The following ZEB2 variants were observed in gnomAD, a reference collection of about 807,000 sequenced individuals.
ZEB2 encodes zinc finger E-box-binding homeobox 2.
In ZEB2, 6 loss-of-function variants were observed where a neutral mutation model predicts 99.9. The observed-to-expected ratio is 0.06, with a 90% confidence interval of 0.03 to 0.12. The LOEUF (loss-of-function observed/expected upper bound fraction) is 0.12, where lower values mean the gene tolerates loss of function less well. ZEB2 is among the 10% of genes least tolerant of loss of function. The probability of loss-of-function intolerance (pLI) is 1.00; values close to 1 mark genes in which losing one functional copy is unlikely to be tolerated. For missense variants in ZEB2, 969 were observed against 1,502.8 expected, an observed-to-expected ratio of 0.64 and a Z score of 5.87; for synonymous variants, 517 against 542.5, an observed-to-expected ratio of 0.95 and a Z score of 0.65.
chr2:144,451,492 T>C (rs1704054197), intron 2 of ZEB2, among the ~76,000 whole-genome samples: 1 of 152,234 alleles, frequency 6.6e-6, no homozygotes, highest in Non-Finnish European at 1.5e-5. Flanking sequence ...AGTATTTATT[T>C]TTCTTAGGTG....
intron 4 of ZEB2, among the ~76,000 whole-genome samples, chr2:144,411,925 T>G (rs1703469632): frequency 6.6e-6 from 1 of 152,230 alleles, no homozygotes; most frequent in Admixed American, 6.5e-5. Context: ...CTCAACGATT[T>G]TGATTGCTGT....
intron 2 of ZEB2, among the ~76,000 whole-genome samples, chr2:144,497,991 TATTATATATTATATAATATATTAA>T (rs1704800754): frequency 4.8e-4 from 1 of 2,070 alleles, no homozygotes; most frequent in Non-Finnish European, 9.6e-4. Context: ...AATATATTAA[TATTATATATTATATAATATATTAA>T]TATTATATAT....
At chr2:144,504,092 A>C (rs1390979867) in intron 2 of ZEB2, 3 of 21,742 alleles carry the variant, frequency 1.4e-4, no homozygotes, top group East Asian at 9.7e-4. Flanking sequence ...AAAAAAAAAA[A>C]AACAACAAAA....
At chr2:144,512,919 T>C (rs1196730575) in intron 2 of ZEB2, 1 of 1,287,158 alleles carries the variant, frequency 7.8e-7, no homozygotes. Context: ...GCTTTGAAAG[T>C]CAGCAAAACA....
chr2:144,385,718 A>G lies in ZEB2; in HGVS notation c.*3733T>C, dbSNP rs1703072425. On this transcript the variant is annotated 3_prime_UTR_variant, in exon 10 of 10. Transcript: ENST00000627532. ...TCTTGGAGCAAAAGCATGGTTAACA[A>G]TTTTTCAGTTCAAATACATGTAAAC... 1 of 152,120 alleles carries G rather than the reference A, an allele frequency of 6.6e-6. No homozygotes were observed. The highest frequency in any genetic ancestry group is 1.5e-5 in the Non-Finnish European group (1 of 68,028). 9.4% of individuals were successfully genotyped at this position (152,120 alleles called of 1,614,324 possible).
chr2:144,497,910 T>TATTA lies in ZEB2; in HGVS notation c.73+19367_73+19368insTAAT, dbSNP rs1704794421. ...ATATATATATGTCATTCTCAACATATATATTATATATTATATAATATATAT... is the reference window on the plus strand; with the variant it reads ...ATATATATATGTCATTCTCAACATATATTAATATTATATATTATATAATATATAT... On this transcript the variant is annotated intron_variant, in intron 2 of 9. Coordinates refer to ENST00000627532, the MANE Select transcript of ZEB2 (RefSeq NM_014795.4). The TATTA allele has an allele frequency of 3.7e-4, 6 of 16,300 alleles. 1 individual carries two copies. The highest frequency in any genetic ancestry group is 1.6e-3 in the African/African-American group (6 of 3,806). The allele number at this position is 16,300 out of a possible 1,614,324, so 1.0% of individuals were successfully genotyped here.
At chr2:144,463,629 G>C (rs1273320912) in intron 2 of ZEB2, 1 of 152,060 alleles carries the variant, frequency 6.6e-6, no homozygotes, top group African/African-American at 2.4e-5. Flanking sequence ...AGGAATTCAA[G>C]ACCAGTTTGG....
chr2:144,441,760 G>A (rs1012425997), intron 2 of ZEB2, among the ~76,000 whole-genome samples: 1 of 152,006 alleles, frequency 6.6e-6, no homozygotes, highest in Admixed American at 6.6e-5. Context: ...ATTATCTGTT[G>A]GCAGACAGCT....
chr2:144,469,956 C>T (rs1297382492), intron 2 of ZEB2, among the ~76,000 whole-genome samples: 3 of 152,154 alleles, frequency 2.0e-5, no homozygotes, highest in South Asian at 2.1e-4. Context: ...CTGTATTACA[C>T]GTGCATCAGA....
intron 4 of ZEB2, among the ~76,000 whole-genome samples, chr2:144,411,099 A>G (rs1337453743): frequency 1.2e-4 from 11 of 90,110 alleles, no homozygotes; most frequent in African/African-American, 4.2e-4. Flanking sequence ...ATATATATAT[A>G]TGTATAATAG....
At chr2:144,411,123 T>TAA (rs573748218) in intron 4 of ZEB2, among the ~76,000 whole-genome samples, 1 of 117,584 alleles carries the variant, frequency 8.5e-6, no homozygotes, top group Admixed American at 9.1e-5. Context: ...ATCTCATATA[T>TAA]ACACACACAC....
At chr2:144,400,309 T>C in intron 7 of ZEB2, 39 bp from the exon 8 acceptor site, 2 of 1,591,754 alleles carry the variant, frequency 1.3e-6, no homozygotes, top group Non-Finnish European at 1.7e-6. Flanking sequence ...ATTTCCTTGA[T>C]TAGATAACAA....
chr2:144,431,432 G>T (rs1703768603), intron 2 of ZEB2, among the ~76,000 whole-genome samples: 1 of 151,572 alleles, frequency 6.6e-6, no homozygotes, highest in South Asian at 2.1e-4. Flanking sequence ...GGGACAAAAA[G>T]ATTACACCGT....
chr2:144,482,134 C>A (rs1260838992), intron 2 of ZEB2: 1 of 152,404 alleles, frequency 6.6e-6, no homozygotes. Flanking sequence ...CGTTCATTTT[C>A]TCTTTTTGCA....
chr2:144,477,131 T>C (rs554514106), intron 2 of ZEB2, among the ~76,000 whole-genome samples: 6 of 152,280 alleles, frequency 3.9e-5, no homozygotes, highest in Non-Finnish European at 8.8e-5. Flanking sequence ...TCTATGAAAA[T>C]GGGCACTACC....
At chr2:144,438,366 G>A (rs1207000265) in intron 2 of ZEB2, among the ~76,000 whole-genome samples, 1 of 152,130 alleles carries the variant, frequency 6.6e-6, no homozygotes, top group Non-Finnish European at 1.5e-5. Context: ...CTTCAAGGTA[G>A]CAAGAGGTGT....
intron 2 of ZEB2, among the ~76,000 whole-genome samples, chr2:144,491,040 C>G (rs1164134260): frequency 6.6e-6 from 1 of 152,172 alleles, no homozygotes; most frequent in Non-Finnish European, 1.5e-5. Context: ...TCCCCGAGTA[C>G]GCATTGACAC....
At chr2:144,423,008 T>C (rs1178237287) in intron 4 of ZEB2, among the ~76,000 whole-genome samples, 4 of 152,326 alleles carry the variant, frequency 2.6e-5, no homozygotes, top group South Asian at 2.1e-4. Flanking sequence ...AGTGACTATA[T>C]AGAACACACT....
At chr2:144,457,678 AT>A (rs1704139659) in intron 2 of ZEB2, among the ~76,000 whole-genome samples, 2 of 152,144 alleles carry the variant, frequency 1.3e-5, no homozygotes, top group African/African-American at 4.8e-5. Flanking sequence ...GACATCCATC[AT>A]TTGTGAATGG....
Sources: allele counts gnomAD v4.1 joint callset (sites outside exome capture counted in the v4.1 genomes callset), GRCh38; gene constraint gnomAD v4.1.1; transcripts MANE v1.5; gene names NCBI Gene and HGNC (gene_info 2026-07-23, HGNC 2026-07-21).